DAPP1: variants seen among roughly 807,000 people sequenced by gnomAD.
DAPP1 encodes dual adapter for phosphotyrosine and 3-phosphotyrosine and 3-phosphoinositide.
Under a neutral mutation model 41.5 loss-of-function variants are expected in DAPP1, and 20 were observed. That is an observed-to-expected ratio of 0.48 (90% CI 0.34 to 0.70). DAPP1 has a LOEUF of 0.70. Ranked by LOEUF, DAPP1 falls within the 30% of genes least tolerant of loss-of-function variation. DAPP1 has a pLI of 0.01. For missense variants in DAPP1, 233 were observed against 333.4 expected (o/e 0.70, Z 2.35); for synonymous variants, 113 against 116.2 (o/e 0.97, Z 0.18).
At chr4:99,827,306 G>A (rs1010362934) in intron 1 of DAPP1, among the ~76,000 whole-genome samples, 3 of 152,030 alleles carry the variant, frequency 2.0e-5, no homozygotes, top group African/African-American at 4.8e-5. Context: ...AGGCTGAGGC[G>A]GGCGGATCAC....
intron 1 of DAPP1, among the ~76,000 whole-genome samples, chr4:99,822,781 A>C (rs1244403397): frequency 6.6e-6 from 1 of 152,094 alleles, no homozygotes; most frequent in Non-Finnish European, 1.5e-5. Flanking sequence ...AACCTGCATT[A>C]ATTTCTGGCT....
intron 1 of DAPP1, among the ~76,000 whole-genome samples, chr4:99,827,683 G>A (rs1193471347): frequency 6.6e-6 from 1 of 152,120 alleles, no homozygotes; most frequent in Non-Finnish European, 1.5e-5. Flanking sequence ...ATGCATTCTC[G>A]GGCTGCCTTA....
chr4:99,853,411 A>C, intron 4 of DAPP1, 63 bp downstream of exon 4: 1 of 1,538,202 alleles, frequency 6.5e-7, no homozygotes, highest in Non-Finnish European at 8.8e-7. Flanking sequence ...AGTTCAATAA[A>C]AGTTAATAAG....
chr4:99,870,330 C>CACAT (rs1553942753), downstream of DAPP1, among the ~76,000 whole-genome samples: 4 of 148,760 alleles, frequency 2.7e-5, no homozygotes, highest in Non-Finnish European at 6.0e-5. Flanking sequence ...AAACAATAAA[C>CACAT]ATATATATAT....
At chr4:99,857,038 A>G (rs1007414883) in intron 4 of DAPP1, among the ~76,000 whole-genome samples, 2 of 152,234 alleles carry the variant, frequency 1.3e-5, no homozygotes, top group African/African-American at 4.8e-5. Context: ...TGCCTTGCTC[A>G]TAAGACATTT....
intron 1 of DAPP1, among the ~76,000 whole-genome samples, chr4:99,824,593 C>T (rs1722877387): frequency 6.6e-6 from 1 of 152,150 alleles, no homozygotes; most frequent in Non-Finnish European, 1.5e-5. Context: ...CTGAAAGTGA[C>T]CCTCTCTGTC....
intron 4 of DAPP1, among the ~76,000 whole-genome samples, chr4:99,859,443 T>A (rs1170824310): frequency 2.0e-5 from 3 of 152,138 alleles, no homozygotes; most frequent in African/African-American, 7.2e-5. Context: ...TGGGAAAATA[T>A]GTATGTATAT....
intron 3 of DAPP1, among the ~76,000 whole-genome samples, chr4:99,846,274 A>T (rs1381322119): frequency 6.6e-6 from 1 of 152,192 alleles, no homozygotes; most frequent in African/African-American, 2.4e-5. Context: ...TGGTGACTAG[A>T]TTGAGGCTGA....
chr4:99,842,622 ATGT>A (rs1723530817), intron 3 of DAPP1, among the ~76,000 whole-genome samples: 1 of 152,260 alleles, frequency 6.6e-6, no homozygotes, highest in Non-Finnish European at 1.5e-5. Context: ...AAACAAGATA[ATGT>A]GCTCAAGTCA....
intron 8 of DAPP1, 45 bp from the exon 9 acceptor site, chr4:99,868,072 T>C (rs1426599880): frequency 6.5e-7 from 1 of 1,529,210 alleles, no homozygotes; most frequent in Non-Finnish European, 9.1e-7. Context: ...CAGGGTTCAT[T>C]ACAATCACTC....
chr4:99,833,021 T>A (rs1723177472), intron 1 of DAPP1, among the ~76,000 whole-genome samples: 5 of 152,250 alleles, frequency 3.3e-5, no homozygotes, highest in Admixed American at 3.3e-4. Context: ...AAGTATTGCT[T>A]TAAATAAACA....
chr4:99,832,020 C>G (rs567037872), intron 1 of DAPP1, among the ~76,000 whole-genome samples: 1 of 150,544 alleles, frequency 6.6e-6, no homozygotes, highest in South Asian at 2.1e-4. Context: ...CAGATGTTGG[C>G]TCATTCAGGG....
Position 99,865,970 on chromosome 4 carries a change from A to AATATAATATAT in DAPP1, c.687-64_687-63insATATAATATAT, listed in dbSNP as rs1553942239. The AATATAATATAT allele has an allele frequency of 9.7e-3, 754 of 78,002 alleles. 10 individuals carry two copies. Among genetic ancestry groups the AATATAATATAT allele is most frequent in the Non-Finnish European group, 0.013 (542 of 40,272 alleles). The allele number at this position is 78,002 out of a possible 1,614,324, so 4.8% of individuals were successfully genotyped here. On this transcript the variant is annotated intron_variant, in intron 7 of 8. Transcript: ENST00000512369. ...TTATATATTATATTATATATATTAT[A>AATATAATATAT]TATATATATATATATATAGCTAATG...
chr4:99,854,472 G>A (rs1016454729), intron 4 of DAPP1, among the ~76,000 whole-genome samples: 3 of 152,090 alleles, frequency 2.0e-5, no homozygotes, highest in Non-Finnish European at 2.9e-5. Flanking sequence ...TTCTATATCT[G>A]CAGTACTTTT....
intron 1 of DAPP1, among the ~76,000 whole-genome samples, chr4:99,820,993 AAC>A (rs2110132065): frequency 6.6e-6 from 1 of 152,310 alleles, no homozygotes; most frequent in East Asian, 1.9e-4. Context: ...AATGATAATA[AAC>A]AAAATGAGTC....
chr4:99,833,512 A>G (rs1040537342), intron 1 of DAPP1, among the ~76,000 whole-genome samples: 1 of 152,224 alleles, frequency 6.6e-6, no homozygotes, highest in Non-Finnish European at 1.5e-5. Context: ...CTAAAAGTTT[A>G]TGCCACAGGG....
At chr4:99,818,659 A>T (rs1252874541) in intron 1 of DAPP1, among the ~76,000 whole-genome samples, 1 of 152,170 alleles carries the variant, frequency 6.6e-6, no homozygotes, top group East Asian at 1.9e-4. Flanking sequence ...TAGACATTGA[A>T]TACAAAACTG....
intron 1 of DAPP1, among the ~76,000 whole-genome samples, chr4:99,822,760 T>A (rs898649009): frequency 6.6e-6 from 1 of 152,190 alleles, no homozygotes; most frequent in Non-Finnish European, 1.5e-5. Flanking sequence ...TACTCTTAGA[T>A]ATTTTGTTAA....
At position 99,861,660 on chromosome 4, in the gene DAPP1, G is replaced by A. The variant is rs757841606; in HGVS notation, c.537+35G>A. 4.5e-6 allele frequency: 7 copies of A among 1,554,726 alleles called. No individual in the cohort carries two copies. In the East Asian group the frequency reaches 1.4e-4, roughly 32 times the overall value. On this transcript the variant is annotated intron_variant, in intron 5 of 8. Coordinates refer to ENST00000512369, the MANE Select transcript of DAPP1 (RefSeq NM_014395.3). Reference sequence around the variant, plus strand: ...TGTGGTTTTGCTCATGCCAGCCACAGAAAAAAGAGAACACGTCATGTAGAC... The same window carrying A: ...TGTGGTTTTGCTCATGCCAGCCACAAAAAAAAGAGAACACGTCATGTAGAC...
Sources: allele counts gnomAD v4.1 joint callset (sites outside exome capture counted in the v4.1 genomes callset), GRCh38; gene constraint gnomAD v4.1.1; transcripts MANE v1.5; gene names NCBI Gene and HGNC (gene_info 2026-07-23, HGNC 2026-07-21).